SPMIP2: variants seen among roughly 807,000 people sequenced by gnomAD.
SPMIP2 encodes protein SPMIP2.
chr4:158,942,692 A>G, the SPMIP2 span, among the ~76,000 whole-genome samples: 5 of 152,144 alleles, frequency 3.3e-5, no homozygotes, highest in South Asian at 2.1e-4. Context: ...CACGAGAGTC[A>G]CTTGAACCCG....
chr4:158,983,232 A>C, the SPMIP2 span, among the ~76,000 whole-genome samples: 1 of 152,098 alleles, frequency 6.6e-6, no homozygotes, highest in Non-Finnish European at 1.5e-5. Flanking sequence ...GTTGGAAAAC[A>C]CTCTGCAGGA....
At chr4:158,917,707 T>C in the SPMIP2 span, among the ~76,000 whole-genome samples, 1 of 145,776 alleles carries the variant, frequency 6.9e-6, no homozygotes, top group Middle Eastern at 3.5e-3. Context: ...TCTCCTTTAA[T>C]AGCACTATTT....
At chr4:158,966,205 C>T in the SPMIP2 span, among the ~76,000 whole-genome samples, 2 of 152,238 alleles carry the variant, frequency 1.3e-5, no homozygotes, top group African/African-American at 4.8e-5. Flanking sequence ...TCCTTGGTTT[C>T]CTAGATTTAA....
the SPMIP2 span, among the ~76,000 whole-genome samples, chr4:158,921,910 C>CA: frequency 8.2e-6 from 1 of 121,360 alleles, no homozygotes; most frequent in African/African-American, 3.1e-5. Flanking sequence ...TTTTTTGAGA[C>CA]AGAGTCTTGC....
the SPMIP2 span, among the ~76,000 whole-genome samples, chr4:158,960,628 G>C: frequency 6.6e-6 from 1 of 152,122 alleles, no homozygotes; most frequent in Non-Finnish European, 1.5e-5. Flanking sequence ...TCACTAAGTT[G>C]CTTTCCAGCT....
the SPMIP2 span, among the ~76,000 whole-genome samples, chr4:158,991,040 G>A: frequency 6.6e-6 from 1 of 152,132 alleles, no homozygotes; most frequent in African/African-American, 2.4e-5. Context: ...AACCTCCCAA[G>A]TAGCTGGGAC....
At chr4:158,909,899 G>A in the SPMIP2 span, among the ~76,000 whole-genome samples, 6 of 152,214 alleles carry the variant, frequency 3.9e-5, no homozygotes, top group Non-Finnish European at 7.4e-5. Flanking sequence ...AACATTAGCC[G>A]GCCGTGGTGG....
At chr4:159,061,993 A>G in the SPMIP2 span, among the ~76,000 whole-genome samples, 268 of 152,260 alleles carry the variant, frequency 1.8e-3, 1 homozygote, top group African/African-American at 5.9e-3. Flanking sequence ...GTGACCAGAG[A>G]AACCAGCAGC....
At chr4:158,933,988 G>T in the SPMIP2 span, among the ~76,000 whole-genome samples, 19 of 152,128 alleles carry the variant, frequency 1.2e-4, no homozygotes, top group African/African-American at 3.9e-4. Flanking sequence ...GACATATGAG[G>T]TTACAGACAC....
the SPMIP2 span, among the ~76,000 whole-genome samples, chr4:159,057,592 A>T: frequency 2.0e-5 from 3 of 152,290 alleles, no homozygotes; most frequent in Admixed American, 2.0e-4. Context: ...ATTTTTGAAA[A>T]TTTTTATAAA....
At chr4:158,899,403 G>A in the SPMIP2 span, among the ~76,000 whole-genome samples, 2 of 152,230 alleles carry the variant, frequency 1.3e-5, no homozygotes, top group Admixed American at 6.5e-5. Flanking sequence ...TTTTTCTATT[G>A]TTTGGAATAG....
the SPMIP2 span, among the ~76,000 whole-genome samples, chr4:159,065,521 C>A: frequency 6.6e-6 from 1 of 152,214 alleles, no homozygotes; most frequent in South Asian, 2.1e-4. Flanking sequence ...AGTTTGAGAC[C>A]AGCCTGGGCA....
chr4:158,933,528 C>T, the SPMIP2 span, among the ~76,000 whole-genome samples: 1 of 152,162 alleles, frequency 6.6e-6, no homozygotes, highest in Non-Finnish European at 1.5e-5. Context: ...GCCATTACTT[C>T]ATTGTAATGG....
the SPMIP2 span, among the ~76,000 whole-genome samples, chr4:158,959,778 G>C: frequency 6.6e-6 from 1 of 152,060 alleles, no homozygotes; most frequent in Non-Finnish European, 1.5e-5. Context: ...TTAACATGCT[G>C]TGAGCTACCC....
the SPMIP2 span, chr4:158,907,276 A>C: frequency 5.9e-5 from 9 of 152,362 alleles, no homozygotes; most frequent in Middle Eastern, 3.4e-3. Context: ...TTTATCAATC[A>C]GTGTTAAATA....
the SPMIP2 span, among the ~76,000 whole-genome samples, chr4:159,037,965 T>C: frequency 2.0e-5 from 3 of 151,442 alleles, no homozygotes; most frequent in East Asian, 5.8e-4. Context: ...GTAAAGATAT[T>C]TCTCTCTCTC....
chr4:158,954,714 C>G, the SPMIP2 span, among the ~76,000 whole-genome samples: 2 of 152,218 alleles, frequency 1.3e-5, no homozygotes, highest in African/African-American at 4.8e-5. Context: ...AAGATTATCA[C>G]AGAAAGTTAG....
At chr4:158,902,623 G>T in the SPMIP2 span, among the ~76,000 whole-genome samples, 78 of 152,318 alleles carry the variant, frequency 5.1e-4, no homozygotes, top group Admixed American at 1.8e-3. Flanking sequence ...CAAAGAGATG[G>T]GGGTTTTATC....
At chr4:159,025,134 G>A in the SPMIP2 span, among the ~76,000 whole-genome samples, 499 of 152,324 alleles carry the variant, frequency 3.3e-3, 1 homozygote, top group African/African-American at 0.011. Context: ...CTGGGAACCA[G>A]CAGGGTGGGC....
Sources: gnomAD v4.1 joint callset for allele counts (sites outside exome capture counted in the v4.1 genomes callset) on GRCh38, gnomAD v4.1.1 for gene constraint, MANE v1.5 for transcripts, NCBI Gene and HGNC (gene_info 2026-07-23, HGNC 2026-07-21) for gene names.